Variants in TAFA2 observed in about 807,000 individuals in gnomAD.
TAFA2 encodes the protein chemokine-like protein TAFA-2.
A neutral mutation model predicts 18.8 loss-of-function variants in TAFA2; 7 were observed. That is an observed-to-expected ratio of 0.37 (90% confidence interval 0.21 to 0.70). The LOEUF (loss-of-function observed/expected upper bound fraction) is 0.70. Among genes scored for constraint, TAFA2 ranks in the 30% least tolerant of loss-of-function variants. TAFA2 has a pLI of 0.53. For synonymous variants in TAFA2, 60 were observed against 54.2 expected (o/e 1.11, Z -0.47); for missense variants, 122 against 158.1 (o/e 0.77, Z 1.23).
chr12:61,710,017 CAGA>C lies in TAFA2; in HGVS notation c.*386_*388del, dbSNP rs1318847064. 7 of 199,386 alleles carry C rather than the reference CAGA, an allele frequency of 3.5e-5. No individual in the cohort carries two copies. The East Asian group carries it at 7.7e-4, about 22-fold the overall frequency. The allele number at this position is 199,386 out of a possible 1,614,324, so 12.4% of individuals were successfully genotyped here. On this transcript the variant is annotated 3_prime_UTR_variant, in exon 5 of 5. Coordinates refer to ENST00000416284, the MANE Select transcript of TAFA2 (RefSeq NM_178539.5). ...ATAGGACCCAGGAACACATCCAGGACAGAAGGACAGTGCACTTGGGATACAGCT... is the reference window on the plus strand; with the variant it reads ...ATAGGACCCAGGAACACATCCAGGACAGGACAGTGCACTTGGGATACAGCT...
intron 1 of TAFA2, among the ~76,000 whole-genome samples, chr12:61,892,899 T>C (rs1247870984): frequency 6.6e-6 from 1 of 152,198 alleles, no homozygotes; most frequent in Non-Finnish European, 1.5e-5. Flanking sequence ...AATAAATGTG[T>C]ATATGTATAA....
At chr12:61,865,115 GA>G (rs914321820) in intron 2 of TAFA2, among the ~76,000 whole-genome samples, 1 of 152,030 alleles carries the variant, frequency 6.6e-6, no homozygotes, top group Non-Finnish European at 1.5e-5. Context: ...TCCCCCTCCT[GA>G]AAGGAAAGAA....
chr12:62,075,747 T>C (rs914621024), intron 1 of TAFA2, among the ~76,000 whole-genome samples: 32 of 152,228 alleles, frequency 2.1e-4, no homozygotes, highest in African/African-American at 6.5e-4. Context: ...TTTTTGTTTT[T>C]ACTCTTGCAG....
At chr12:62,027,616 T>C (rs1394885803) in intron 1 of TAFA2, among the ~76,000 whole-genome samples, 1 of 152,124 alleles carries the variant, frequency 6.6e-6, no homozygotes, top group African/African-American at 2.4e-5. Context: ...ATACACAGAG[T>C]AAGTTGTACC....
chr12:61,982,144 T>G (rs1278747833), intron 1 of TAFA2, among the ~76,000 whole-genome samples: 1 of 152,112 alleles, frequency 6.6e-6, no homozygotes, highest in East Asian at 1.9e-4. Flanking sequence ...TTTGCAGGGT[T>G]GTGGATGAAG....
chr12:62,151,552 A>G (rs1592368419), intron 1 of TAFA2, among the ~76,000 whole-genome samples: 1 of 152,248 alleles, frequency 6.6e-6, no homozygotes, highest in African/African-American at 2.4e-5. Flanking sequence ...TAGAGAAAAG[A>G]CTTGATACTT....
intron 1 of TAFA2, among the ~76,000 whole-genome samples, chr12:62,076,118 G>A (rs1329571179): frequency 2.6e-5 from 4 of 152,074 alleles, no homozygotes; most frequent in Admixed American, 2.6e-4. Flanking sequence ...GATTTAAATT[G>A]TACTTTTCAA....
At chr12:62,046,280 T>C (rs776901791) in intron 1 of TAFA2, among the ~76,000 whole-genome samples, 6 of 152,080 alleles carry the variant, frequency 3.9e-5, no homozygotes, top group Non-Finnish European at 7.4e-5. Flanking sequence ...ACTGATTTAT[T>C]GCCATCCAAT....
chr12:62,058,975 C>A (rs1565730901), intron 1 of TAFA2, among the ~76,000 whole-genome samples: 1 of 151,990 alleles, frequency 6.6e-6, no homozygotes, highest in Non-Finnish European at 1.5e-5. Flanking sequence ...TGGTGGCGGG[C>A]GCCTGTAGTC....
At chr12:62,132,665 C>T (rs1870738531) in intron 1 of TAFA2, among the ~76,000 whole-genome samples, 1 of 151,732 alleles carries the variant, frequency 6.6e-6, no homozygotes, top group Non-Finnish European at 1.5e-5. Context: ...GATGCATACA[C>T]CTTTATATGG....
At chr12:61,989,297 T>G (rs1490002871) in intron 1 of TAFA2, among the ~76,000 whole-genome samples, 7 of 152,112 alleles carry the variant, frequency 4.6e-5, no homozygotes, top group Non-Finnish European at 1.0e-4. Flanking sequence ...TAATAACATC[T>G]GCCCTATACA....
At chr12:61,881,919 GA>G (rs981767695) in intron 1 of TAFA2, among the ~76,000 whole-genome samples, 7 of 139,326 alleles carry the variant, frequency 5.0e-5, no homozygotes, top group African/African-American at 1.1e-4. Context: ...ACTTGAATCA[GA>G]AAAAAAAAAG....
intron 1 of TAFA2, among the ~76,000 whole-genome samples, chr12:61,981,946 A>G (rs1474679917): frequency 6.6e-6 from 1 of 152,192 alleles, no homozygotes; most frequent in African/African-American, 2.4e-5. Flanking sequence ...CTGGGTATAT[A>G]CCCAAATAAT....
chr12:61,815,896 G>A (rs761981227), intron 2 of TAFA2, among the ~76,000 whole-genome samples: 6 of 151,242 alleles, frequency 4.0e-5, no homozygotes, highest in Non-Finnish European at 8.8e-5. Context: ...CTGTTCTCAT[G>A]GAGCTTCTAT....
intron 1 of TAFA2, among the ~76,000 whole-genome samples, chr12:61,944,236 A>C (rs1176719276): frequency 1.1e-3 from 172 of 150,298 alleles, no homozygotes; most frequent in Non-Finnish European, 1.8e-3. Context: ...GGCAGAAATA[A>C]AGATGTTCTT....
At chr12:62,179,660 C>A (rs1373188590) in intron 1 of TAFA2, among the ~76,000 whole-genome samples, 2 of 152,142 alleles carry the variant, frequency 1.3e-5, no homozygotes, top group Non-Finnish European at 2.9e-5. Context: ...TGCCATTTTA[C>A]CTCTTTGTTC....
intron 1 of TAFA2, among the ~76,000 whole-genome samples, chr12:62,167,710 A>G (rs1206375344): frequency 1.3e-5 from 2 of 152,216 alleles, no homozygotes; most frequent in African/African-American, 4.8e-5. Context: ...AGATGTCCCT[A>G]GCTCCCAGAC....
intron 1 of TAFA2, among the ~76,000 whole-genome samples, chr12:61,963,811 C>A (rs1044113075): frequency 6.6e-6 from 1 of 151,984 alleles, no homozygotes; most frequent in Admixed American, 6.6e-5. Context: ...AGGCATCATG[C>A]TACCTGACTT....
intron 1 of TAFA2, among the ~76,000 whole-genome samples, chr12:61,870,701 A>C (rs1019060552): frequency 5.3e-5 from 8 of 152,006 alleles, no homozygotes; most frequent in African/African-American, 1.9e-4. Context: ...AATCTTACCC[A>C]CCATGCCACC....
Sources: allele counts gnomAD v4.1 joint callset (sites outside exome capture counted in the v4.1 genomes callset), GRCh38; gene constraint gnomAD v4.1.1; transcripts MANE v1.5; gene names NCBI Gene and HGNC (gene_info 2026-07-23, HGNC 2026-07-21).